The following BEAN1 variants were observed in gnomAD, a reference collection of about 807,000 sequenced individuals.
The protein encoded by BEAN1 is brain expressed associated with NEDD4 1, also known as protein BEAN1.
BEAN1 carries 17 observed loss-of-function variants against 17.7 expected under a neutral mutation model. The ratio of observed to expected loss-of-function variants is 0.96; its 90% CI spans 0.66 to 1.44. The LOEUF (loss-of-function observed/expected upper bound fraction) is 1.44, where lower values mean the gene tolerates loss of function less well. BEAN1 is among the 40% of genes most tolerant of loss of function. BEAN1 has a pLI of 0.00. For synonymous variants in BEAN1, 142 were observed against 151.8 expected, an observed-to-expected ratio of 0.94 and a Z score of 0.47; for missense variants, 359 against 374.1, an observed-to-expected ratio of 0.96 and a Z score of 0.33.
chr16:66,432,973 C>T (rs981164895), intron 1 of BEAN1, among the ~76,000 whole-genome samples: 1 of 152,238 alleles, frequency 6.6e-6, no homozygotes, highest in African/African-American at 2.4e-5. Context: ...GTACTGTTAG[C>T]TTGCAGACTT....
intron 2 of BEAN1, chr16:66,438,008 A>C: frequency 2.2e-6 from 1 of 459,012 alleles, no homozygotes; most frequent in Non-Finnish European, 3.9e-6. Context: ...ATAAAAGACT[A>C]CATGGCCAAG....
chr16:66,486,098 A>G (rs1964085026), downstream of BEAN1: 1 of 151,896 alleles, frequency 6.6e-6, no homozygotes, highest in Admixed American at 6.6e-5. Flanking sequence ...TGGTTGGTTC[A>G]TAATCCAAAA....
At chr16:66,465,951 C>G (rs1313083774) in intron 2 of BEAN1, among the ~76,000 whole-genome samples, 1 of 152,138 alleles carries the variant, frequency 6.6e-6, no homozygotes, top group Non-Finnish European at 1.5e-5. Context: ...TAACTGGGAC[C>G]ACAGGTGTGT....
At chr16:66,491,855 C>T (rs1964179907) in intron 4 of BEAN1, among the ~76,000 whole-genome samples, 1 of 152,188 alleles carries the variant, frequency 6.6e-6, no homozygotes, top group Non-Finnish European at 1.5e-5. Context: ...CCACTCACCT[C>T]CTGCTGTGCG....
At chr16:66,431,329 C>T (rs1248035383) in intron 1 of BEAN1, among the ~76,000 whole-genome samples, 7 of 152,172 alleles carry the variant, frequency 4.6e-5, no homozygotes, top group East Asian at 1.9e-4. Context: ...AATGAATTAA[C>T]GATCACTGAC....
In BEAN1 at chr16:66,467,816, G is replaced by C. The variant is rs73594700; in HGVS notation, c.26-1786G>C. Among the ~76,000 whole-genome samples the C allele has an allele frequency of 5.9e-5, 9 of 152,306 alleles. No homozygotes were observed. The South Asian group carries it at 8.3e-4, about 14-fold the overall frequency. ...AGATGACACACTGGCCCAGACACTA[G>C]AGCCTCCATCTCACTCCCTCCTGAT... On this transcript the variant is annotated intron_variant, in intron 2 of 4. Transcript: ENST00000536005.
Position 66,469,773 on chromosome 16 carries a change from G to C in BEAN1, c.197G>C (p.Arg66Pro), listed in dbSNP as rs775454473. 1 of 1,535,832 alleles carries C rather than the reference G, an allele frequency of 6.5e-7. No homozygotes were observed. Among genetic ancestry groups the C allele is most frequent in the African/African-American group, 1.4e-5 (1 of 72,950 alleles). The stretch of plus-strand genomic sequence containing the variant: ...AGCATCCGCAGGGACAGGCAGGCCC[G>C]GCTTCAGCGGCACCGCCACCGCCAC... ...VGSIRRDRQARLQRHRHRHHR... is the reference protein window; with the variant it reads ...VGSIRRDRQAPLQRHRHRHHR... Residue 66 changes from arginine to proline, a missense_variant, in exon 3 of 5, where the codon CGG (arginine) becomes CCG (proline). Physicochemically the swap from Arg to Pro is moderately radical, Grantham distance 103. Transcript: ENST00000536005.
chr16:66,463,734 G>GT (rs1291905589), intron 2 of BEAN1, among the ~76,000 whole-genome samples: 1 of 152,112 alleles, frequency 6.6e-6, no homozygotes, highest in Admixed American at 6.5e-5. Flanking sequence ...TTACCCCTAT[G>GT]TTTTTATCTA....
intron 2 of BEAN1, among the ~76,000 whole-genome samples, chr16:66,449,341 C>G (rs1372025376): frequency 6.6e-6 from 1 of 152,114 alleles, no homozygotes; most frequent in Non-Finnish European, 1.5e-5. Flanking sequence ...GGTGCAGTGG[C>G]TCACACCTGT....
chr16:66,462,744 T>C (rs531683706), intron 2 of BEAN1, among the ~76,000 whole-genome samples: 2 of 151,880 alleles, frequency 1.3e-5, no homozygotes, highest in South Asian at 4.2e-4. Context: ...GATGTTGCGG[T>C]GAGCTGAGAT....
chr16:66,439,811 C>A (rs1323109156), intron 2 of BEAN1, among the ~76,000 whole-genome samples: 1 of 152,302 alleles, frequency 6.6e-6, no homozygotes, highest in East Asian at 1.9e-4. Context: ...GCCACCAGAT[C>A]CCTCCATGAC....
chr16:66,474,761 GAAGA>G (rs1026408007), intron 3 of BEAN1, among the ~76,000 whole-genome samples: 7 of 151,824 alleles, frequency 4.6e-5, no homozygotes, highest in African/African-American at 7.3e-5. Context: ...AAGAAAGAAA[GAAGA>G]AAGAAAGGAG....
intron 1 of BEAN1, among the ~76,000 whole-genome samples, chr16:66,436,854 G>A (rs528714132): frequency 6.6e-6 from 1 of 152,226 alleles, no homozygotes; most frequent in East Asian, 1.9e-4. Context: ...TGGGGGGCGG[G>A]GAGAGAGGGA....
chr16:66,468,258 G>A (rs1367299682), intron 2 of BEAN1, among the ~76,000 whole-genome samples: 1 of 152,230 alleles, frequency 6.6e-6, no homozygotes, highest in Non-Finnish European at 1.5e-5. Flanking sequence ...CCATTGTTGA[G>A]TTTGAGGACA....
At chr16:66,470,160 T>A in intron 3 of BEAN1, 1 of 489,442 alleles carries the variant, frequency 2.0e-6, no homozygotes, top group South Asian at 3.2e-5. Context: ...GGCTGGTCCA[T>A]CTGGTGTCTC....
intron 3 of BEAN1, among the ~76,000 whole-genome samples, chr16:66,476,109 CAAAAAAAAAA>C (rs543784605): frequency 1.2e-5 from 1 of 83,280 alleles, no homozygotes; most frequent in East Asian, 3.4e-4. Flanking sequence ...GACTCCGTCT[CAAAAAAAAAA>C]AAAAAGAAAG....
chr16:66,431,516 G>A (rs1323640783), intron 1 of BEAN1, among the ~76,000 whole-genome samples: 1 of 151,858 alleles, frequency 6.6e-6, no homozygotes, highest in Non-Finnish European at 1.5e-5. Context: ...ATCGCCCAGA[G>A]AGCACAATGA....
At chr16:66,439,445 C>T (rs571519992) in intron 2 of BEAN1, among the ~76,000 whole-genome samples, 7 of 152,300 alleles carry the variant, frequency 4.6e-5, no homozygotes, top group African/African-American at 1.4e-4. Flanking sequence ...AGCAGCCCAG[C>T]ATGGAGAAGC....
At chr16:66,438,655 AG>A (rs1267525654) in intron 2 of BEAN1, among the ~76,000 whole-genome samples, 2 of 152,108 alleles carry the variant, frequency 1.3e-5, no homozygotes, top group African/African-American at 4.8e-5. Flanking sequence ...TGATGGAATC[AG>A]CCAGGGGTAC....
Sources: gnomAD v4.1 joint callset for allele counts (sites outside exome capture counted in the v4.1 genomes callset) on GRCh38, gnomAD v4.1.1 for gene constraint, MANE v1.5 for transcripts, NCBI Gene and HGNC (gene_info 2026-07-23, HGNC 2026-07-21) for gene names.